MCMDC2: variants seen among roughly 807,000 people sequenced by gnomAD.
MCMDC2 encodes the protein minichromosome maintenance domain containing 2.
Under a neutral mutation model 75.8 loss-of-function variants are expected in MCMDC2, and 54 were observed. The observed-to-expected ratio is 0.71, with a 90% CI of 0.57 to 0.89. The LOEUF (loss-of-function observed/expected upper bound fraction) is 0.89. MCMDC2 is among the 40% of genes least tolerant of loss of function. The probability of loss-of-function intolerance (pLI) is 0.00; values close to 1 mark genes in which losing one functional copy is unlikely to be tolerated. For missense variants in MCMDC2, 656 were observed against 780.4 expected, an observed-to-expected ratio of 0.84 and a Z score of 1.90; for synonymous variants, 249 against 274.6, an observed-to-expected ratio of 0.91 and a Z score of 0.92.
At position 66,878,854 on chromosome 8, in the gene MCMDC2, G is replaced by T. The variant is rs764152352; in HGVS notation, c.644G>T (p.Arg215Leu). ...IVEIIATKAL[R>L]AFQGYSNNQP... ...GAAATAATTGCCACAAAGGCACTTC[G>T]TGCTTTTCAAGGATATTCTAACAAC... Residue 215 changes from arginine (R) to leucine (L), a missense_variant, in exon 7 of 15, where the codon CGT (arginine) becomes CTT (leucine). Coordinates refer to ENST00000422365, the MANE Select transcript of MCMDC2 (RefSeq NM_173518.5). 6.2e-7 allele frequency: 1 copy of T among 1,609,686 alleles called. No individual in the cohort carries two copies. The highest frequency in any genetic ancestry group is 1.1e-5 in the South Asian group (1 of 90,320).
At position 66,920,256 on chromosome 8, in the gene MCMDC2, T is replaced by A. The variant is rs556237562; in HGVS notation, c.*1087T>A. ...AGGTAGTGTTTTTGTTTTTTGTTTT[T>A]TTGAGATGGGGTCTCGCTCTGTCAT... On this transcript the variant is annotated 3_prime_UTR_variant, in exon 15 of 15. Coordinates refer to ENST00000422365, the MANE Select transcript of MCMDC2 (RefSeq NM_173518.5). 1 of 152,444 alleles carries A rather than the reference T, an allele frequency of 6.6e-6. No homozygotes were observed. The highest frequency in any genetic ancestry group is 2.1e-4 in the South Asian group (1 of 4,828). 9.4% of individuals were successfully genotyped at this position (152,444 alleles called of 1,614,324 possible).
chr8:66,924,579 G>A (rs1476979937), downstream of MCMDC2, among the ~76,000 whole-genome samples: 1 of 150,560 alleles, frequency 6.6e-6, no homozygotes, highest in African/African-American at 2.5e-5. Context: ...AGGATTCAGT[G>A]AGCCAAGATC....
chr8:66,886,615 A>G (rs1159922959), intron 9 of MCMDC2, among the ~76,000 whole-genome samples: 1 of 152,148 alleles, frequency 6.6e-6, no homozygotes, highest in African/African-American at 2.4e-5. Context: ...TCTAATAAAA[A>G]TACAAAAATT....
chr8:66,889,684 A>C (rs556862353), intron 9 of MCMDC2, among the ~76,000 whole-genome samples: 2 of 152,270 alleles, frequency 1.3e-5, no homozygotes, highest in East Asian at 3.9e-4. Flanking sequence ...CTGTGGTCCC[A>C]GCTACTTGGG....
rs1374231838 is a variant in MCMDC2 at position 66,921,787 on chromosome 8, C to T, written c.*2618C>T. ...TCTGAAGGGGAAGCCAGACAGGGAA[C>T]CTAGAGGTACAAGCAATGTCTCCCC... On this transcript the variant is annotated 3_prime_UTR_variant, in exon 15 of 15. Coordinates refer to ENST00000422365, the MANE Select transcript of MCMDC2 (RefSeq NM_173518.5). 1 of 152,142 alleles carries T rather than the reference C, an allele frequency of 6.6e-6. No homozygotes were observed. The highest frequency in any genetic ancestry group is 6.5e-5 in the Admixed American group (1 of 15,268). 9.4% of individuals were successfully genotyped at this position (152,142 alleles called of 1,614,324 possible).
intron 4 of MCMDC2, among the ~76,000 whole-genome samples, chr8:66,875,126 A>G (rs553914795): frequency 2.0e-5 from 3 of 152,290 alleles, no homozygotes; most frequent in South Asian, 4.1e-4. Context: ...GTGAACCTTC[A>G]TATATCTACC....
At chr8:66,894,455 C>G (rs1812251002) in intron 10 of MCMDC2, among the ~76,000 whole-genome samples, 1 of 152,186 alleles carries the variant, frequency 6.6e-6, no homozygotes, top group Non-Finnish European at 1.5e-5. Context: ...CCTCACTTAT[C>G]AGTAAGCTGA....
chr8:66,884,078 A>C (rs1811719812), intron 9 of MCMDC2, 84 bp downstream of exon 9: 2 of 858,494 alleles, frequency 2.3e-6, no homozygotes, highest in East Asian at 4.9e-5. Context: ...TTACAAGAAG[A>C]ATATTTAGAA....
intron 5 of MCMDC2, among the ~76,000 whole-genome samples, chr8:66,878,335 T>C (rs1811395410): frequency 6.6e-6 from 1 of 152,164 alleles, no homozygotes; most frequent in Non-Finnish European, 1.5e-5. Context: ...CTTAGCACAG[T>C]GCCTTGCAAA....
chr8:66,903,425 C>T lies in MCMDC2; in HGVS notation c.1770-1801C>T, dbSNP rs374999073. Among the ~76,000 whole-genome samples, 12 of 152,090 alleles carry T rather than the reference C, an allele frequency of 7.9e-5. No individual in the cohort carries two copies. The South Asian group carries it at 1.5e-3, about 18-fold the overall frequency. On this transcript the variant is annotated intron_variant, in intron 13 of 14. Transcript: ENST00000422365. ...TTTATTTATTTAATGAATTATTTTA[C>T]TCCTGGTTCTACTTAACAATTATTT...
At chr8:66,882,523 GC>G (rs1278583697) in intron 8 of MCMDC2, among the ~76,000 whole-genome samples, 1 of 151,912 alleles carries the variant, frequency 6.6e-6, no homozygotes, top group Non-Finnish European at 1.5e-5. Flanking sequence ...TCACCACCAC[GC>G]CCAGCTAATT....
At chr8:66,890,067 T>TTTG (rs879395338) in intron 9 of MCMDC2, among the ~76,000 whole-genome samples, 13 of 152,044 alleles carry the variant, frequency 8.6e-5, no homozygotes, top group Non-Finnish European at 1.5e-4. Flanking sequence ...TGGATGTTCT[T>TTTG]TTGTTGTTGT....
In MCMDC2 at chr8:66,890,951, A is replaced by G. The variant is rs1270158401; in HGVS notation, c.1160A>G (p.Lys387Arg). 1.2e-6 allele frequency: 2 copies of G among 1,613,686 alleles called. No individual in the cohort carries two copies. Among genetic ancestry groups the G allele is most frequent in the African/African-American group, 1.3e-5 (1 of 74,914 alleles). Residue 387 changes from lysine (K) to arginine (R), a missense_variant, in exon 10 of 15, where the codon AAG (lysine) becomes AGG (arginine). Transcript: ENST00000422365. ...ATTTTTCCCACTCTATCCAGGAATA[A>G]GTATGGAACTGGAGCAGTTAGCATT... ...TEIFPTLSRN[K>R]YGTGAVSIQA...
At chr8:66,899,941 G>A (rs1299167029) in intron 12 of MCMDC2, among the ~76,000 whole-genome samples, 2 of 150,910 alleles carry the variant, frequency 1.3e-5, no homozygotes, top group Non-Finnish European at 3.0e-5. Context: ...GGCCAATATG[G>A]TGAAACTGTC....
intron 10 of MCMDC2, among the ~76,000 whole-genome samples, chr8:66,894,916 C>T (rs1353572999): frequency 6.6e-6 from 1 of 152,192 alleles, no homozygotes; most frequent in East Asian, 1.9e-4. Flanking sequence ...TGCCTCCCGT[C>T]ACCTACTCCC....
chr8:66,876,800 G>A (rs545381798), intron 4 of MCMDC2, among the ~76,000 whole-genome samples: 3 of 150,242 alleles, frequency 2.0e-5, no homozygotes, highest in Non-Finnish European at 4.4e-5. Flanking sequence ...TCACTCTGTT[G>A]CCCAGGCTGG....
intron 7 of MCMDC2, 29 bp from the exon 8 acceptor site, chr8:66,880,820 G>T (rs750244081): frequency 6.7e-7 from 1 of 1,494,208 alleles, no homozygotes; most frequent in Admixed American, 2.3e-5. Context: ...TAGTGAATAT[G>T]TATTTTCTTC....
chr8:66,902,395 TA>T (rs879876834), intron 13 of MCMDC2, among the ~76,000 whole-genome samples: 276 of 131,238 alleles, frequency 2.1e-3, no homozygotes, highest in Non-Finnish European at 1.9e-3. Flanking sequence ...CTTCTCAATT[TA>T]AAAAAAAAAA....
chr8:66,884,996 C>T (rs1226539559), intron 9 of MCMDC2, among the ~76,000 whole-genome samples: 1 of 152,086 alleles, frequency 6.6e-6, no homozygotes, highest in African/African-American at 2.4e-5. Flanking sequence ...AGGCTGAACT[C>T]CTGGGCTCAA....
Sources: allele counts gnomAD v4.1 joint callset (sites outside exome capture counted in the v4.1 genomes callset), GRCh38; gene constraint gnomAD v4.1.1; transcripts MANE v1.5; gene names NCBI Gene and HGNC (gene_info 2026-07-23, HGNC 2026-07-21).